The following LUZP2 variants were observed in gnomAD, a reference collection of about 807,000 sequenced individuals.
The protein encoded by LUZP2 is leucine zipper protein 2.
A neutral mutation model predicts 51.6 loss-of-function variants in LUZP2; 52 were observed. That is an observed-to-expected ratio of 1.01 (90% CI 0.81 to 1.27). The LOEUF (loss-of-function observed/expected upper bound fraction) is 1.27, where lower values mean the gene tolerates loss of function less well. LUZP2 is among the 50% of genes most tolerant of loss of function. The probability of loss-of-function intolerance (pLI) is 0.00; values close to 1 mark genes in which losing one functional copy is unlikely to be tolerated. For synonymous variants in LUZP2, 154 were observed against 137.3 expected, an observed-to-expected ratio of 1.12 and a Z score of -0.85; for missense variants, 436 against 395.4, an observed-to-expected ratio of 1.10 and a Z score of -0.87.
chr11:24,609,133 A>C (rs1049289702), intron 1 of LUZP2, among the ~76,000 whole-genome samples: 2 of 152,128 alleles, frequency 1.3e-5, no homozygotes, highest in Admixed American at 1.3e-4. Flanking sequence ...TAGACTACCG[A>C]GGCACTGACC....
chr11:24,832,005 A>C (rs1006896449), intron 5 of LUZP2: 1 of 152,594 alleles, frequency 6.6e-6, no homozygotes, highest in African/African-American at 2.4e-5. Context: ...AATAGTGGAG[A>C]TTTATATTAG....
At chr11:24,656,674 G>T (rs374198251) in intron 1 of LUZP2, among the ~76,000 whole-genome samples, 19 of 152,258 alleles carry the variant, frequency 1.2e-4, no homozygotes, top group African/African-American at 4.6e-4. Flanking sequence ...TTCCTTGATG[G>T]AAGTTGGCTG....
intron 4 of LUZP2, among the ~76,000 whole-genome samples, chr11:24,752,110 G>C (rs1247035681): frequency 6.6e-6 from 1 of 152,060 alleles, no homozygotes. Flanking sequence ...TGGAGAATCA[G>C]AGTAAAATTG....
intron 1 of LUZP2, among the ~76,000 whole-genome samples, chr11:24,672,403 A>G (rs920114095): frequency 1.3e-5 from 2 of 152,164 alleles, no homozygotes; most frequent in Non-Finnish European, 2.9e-5. Flanking sequence ...TGGACAAGAT[A>G]ATTTATATTT....
chr11:25,027,194 A>G, intron 9 of LUZP2, among the ~76,000 whole-genome samples: 1 of 152,156 alleles, frequency 6.6e-6, no homozygotes, highest in Admixed American at 6.6e-5. Flanking sequence ...CTCTAATGTA[A>G]CAAGGATTTA....
chr11:24,526,190 C>G lies in LUZP2; in HGVS notation c.62+28885C>G, dbSNP rs541642161. On this transcript the variant is annotated intron_variant, in intron 1 of 11. Coordinates refer to ENST00000336930, the MANE Select transcript of LUZP2 (RefSeq NM_001009909.4). ...AATCATTCTGCTATGAAGTGCTCCA[C>G]TATCTGCAGGGCTCCAAAGTTAATA... Among the ~76,000 whole-genome samples the G allele has an allele frequency of 6.0e-5, 9 of 150,620 alleles. No homozygotes were observed. In the South Asian group the frequency reaches 1.9e-3, roughly 31 times the overall value.
At chr11:25,021,872 A>G (rs1259070321) in intron 9 of LUZP2, among the ~76,000 whole-genome samples, 1 of 152,120 alleles carries the variant, frequency 6.6e-6, no homozygotes, top group Non-Finnish European at 1.5e-5. Context: ...TCTAATGTGA[A>G]TGACTCTGGG....
intron 4 of LUZP2, among the ~76,000 whole-genome samples, chr11:24,758,345 G>GTA (rs931088371): frequency 3.8e-4 from 58 of 151,904 alleles, no homozygotes; most frequent in African/African-American, 1.4e-3. Flanking sequence ...GTGTGTGTGT[G>GTA]TGTACATGTG....
chr11:24,784,021 G>A (rs1010899807), intron 5 of LUZP2, among the ~76,000 whole-genome samples: 4 of 151,856 alleles, frequency 2.6e-5, no homozygotes, highest in Non-Finnish European at 4.4e-5. Flanking sequence ...GCAGCTTCTA[G>A]GCCTTTCTTG....
chr11:24,761,286 A>G (rs1183048169), intron 4 of LUZP2, among the ~76,000 whole-genome samples: 3 of 152,124 alleles, frequency 2.0e-5, no homozygotes, highest in African/African-American at 4.8e-5. Context: ...GAAGACAGAG[A>G]AGGGGGAGAG....
intron 9 of LUZP2, among the ~76,000 whole-genome samples, chr11:25,005,182 C>A (rs889771398): frequency 6.6e-6 from 1 of 152,088 alleles, no homozygotes; most frequent in Non-Finnish European, 1.5e-5. Context: ...TTGGAGATTT[C>A]TCTCCTTGTT....
intron 7 of LUZP2, among the ~76,000 whole-genome samples, chr11:24,935,866 A>G (rs888271295): frequency 2.0e-5 from 3 of 152,152 alleles, no homozygotes; most frequent in Admixed American, 6.5e-5. Context: ...GAGCCTTTTT[A>G]TATCTTTTAT....
intron 5 of LUZP2, among the ~76,000 whole-genome samples, chr11:24,771,704 C>T (rs1224608486): frequency 6.6e-6 from 1 of 151,840 alleles, no homozygotes; most frequent in Non-Finnish European, 1.5e-5. Context: ...TTGTAATAAT[C>T]CCCACGTGTC....
chr11:24,672,000 T>C (rs553600678), intron 1 of LUZP2, among the ~76,000 whole-genome samples: 123 of 152,246 alleles, frequency 8.1e-4, no homozygotes, highest in Admixed American at 2.0e-3. Context: ...ACAATAAATG[T>C]AGTGAGGGAA....
chr11:25,029,095 G>T (rs1475508799), intron 9 of LUZP2, among the ~76,000 whole-genome samples: 1 of 152,130 alleles, frequency 6.6e-6, no homozygotes, highest in Non-Finnish European at 1.5e-5. Context: ...GGGTAGTGGG[G>T]ACCTGGTGGG....
intron 1 of LUZP2, among the ~76,000 whole-genome samples, chr11:24,589,201 A>G (rs1311793138): frequency 1.3e-5 from 2 of 151,906 alleles, no homozygotes; most frequent in Non-Finnish European, 2.9e-5. Flanking sequence ...CACCAAAGAC[A>G]CCTGCATTTT....
chr11:24,704,126 TC>T (rs1857498589), intron 1 of LUZP2, among the ~76,000 whole-genome samples: 1 of 152,148 alleles, frequency 6.6e-6, no homozygotes, highest in Admixed American at 6.5e-5. Flanking sequence ...TCTCTCTCTC[TC>T]TCTCTCATAC....
At chr11:24,712,591 A>G (rs1857877274) in intron 1 of LUZP2, among the ~76,000 whole-genome samples, 1 of 152,158 alleles carries the variant, frequency 6.6e-6, no homozygotes, top group Non-Finnish European at 1.5e-5. Context: ...GGGATAAGAA[A>G]TTTGATCAGA....
In LUZP2 at chr11:24,791,705, T is replaced by C. The variant is rs572946635; in HGVS notation, c.396+28397T>C. Among the ~76,000 whole-genome samples, 845 of 152,260 alleles carry C rather than the reference T, an allele frequency of 5.5e-3. 7 individuals are homozygous for C. Among genetic ancestry groups the C allele is most frequent in the African/African-American group, 0.018 (755 of 41,578 alleles). ...TAGTTCTTTGATTATTTTGAATAAATAACTTACCAGTTATTTTCTTTTATA... is the reference window on the plus strand; with the variant it reads ...TAGTTCTTTGATTATTTTGAATAAACAACTTACCAGTTATTTTCTTTTATA... On this transcript the variant is annotated intron_variant, in intron 5 of 11. Coordinates refer to ENST00000336930, the MANE Select transcript of LUZP2 (RefSeq NM_001009909.4).
Sources: gnomAD v4.1 joint callset for allele counts (sites outside exome capture counted in the v4.1 genomes callset) on GRCh38, gnomAD v4.1.1 for gene constraint, MANE v1.5 for transcripts, NCBI Gene and HGNC (gene_info 2026-07-23, HGNC 2026-07-21) for gene names.